The following CA2 variants were observed in gnomAD, a reference collection of about 807,000 sequenced individuals.
CA2 encodes carbonic anhydrase 2, also known as carbonate dehydratase II.
Under a neutral mutation model 27.8 loss-of-function variants are expected in CA2, and 23 were observed. The ratio of observed to expected loss-of-function variants is 0.83; its 90% confidence interval spans 0.59 to 1.17. CA2 has a LOEUF of 1.17. CA2 is among the 50% of genes most tolerant of loss of function. The pLI, the probability that CA2 is intolerant of heterozygous loss-of-function variation, is 0.00. For missense variants in CA2, 300 were observed against 314.7 expected (o/e 0.95, Z 0.35); for synonymous variants, 99 against 114.9 (o/e 0.86, Z 0.88).
At chr8:85,475,756 C>T (rs1258611143) in intron 4 of CA2, 42 bp from the exon 5 acceptor site, 1 of 1,577,152 alleles carries the variant, frequency 6.3e-7, no homozygotes, top group East Asian at 2.2e-5. Flanking sequence ...TGGTACAGTA[C>T]CAACTGGGTG....
In CA2 at chr8:85,480,548, G is replaced by GC. The variant is rs1811873781; in HGVS notation, c.664-121dup. The GC allele has an allele frequency of 1.9e-5, 18 of 927,888 alleles. No individual in the cohort carries two copies. The South Asian group carries it at 2.4e-4, about 12-fold the overall frequency. The allele number at this position is 927,888 out of a possible 1,614,324, so 57.5% of individuals were successfully genotyped here. A position where few individuals can be genotyped will look rare whatever the true frequency, so the allele number is the denominator to read the frequency against. On this transcript the variant is annotated intron_variant, in intron 6 of 6. Coordinates refer to ENST00000285379, the MANE Select transcript of CA2 (RefSeq NM_000067.3). ...GCCTCATGCCTCAGCCTTACAAAGTGCTGGGATTACAGGCATGAGCCACTG... is the reference window on the plus strand; with the variant it reads ...GCCTCATGCCTCAGCCTTACAAAGTGCCTGGGATTACAGGCATGAGCCACTG...
chr8:85,480,037 T>TATGA (rs1430891132), intron 6 of CA2, among the ~76,000 whole-genome samples: 3 of 152,178 alleles, frequency 2.0e-5, no homozygotes, highest in Non-Finnish European at 4.4e-5. Flanking sequence ...CATCTAAAGG[T>TATGA]ATGAGTTTAT....
At chr8:85,471,779 T>A (rs1340620133) in intron 2 of CA2, among the ~76,000 whole-genome samples, 1 of 151,866 alleles carries the variant, frequency 6.6e-6, no homozygotes, top group Non-Finnish European at 1.5e-5. Flanking sequence ...TATTTAATTT[T>A]TATATATTAT....
At chr8:85,466,562 G>A (rs1811634024) in intron 2 of CA2, among the ~76,000 whole-genome samples, 1 of 151,994 alleles carries the variant, frequency 6.6e-6, no homozygotes, top group African/African-American at 2.4e-5. Context: ...TTTCTGAAAT[G>A]GTGATTCTGG....
chr8:85,477,847 T>C (rs1214104542), intron 6 of CA2, among the ~76,000 whole-genome samples: 1 of 152,208 alleles, frequency 6.6e-6, no homozygotes. Context: ...AAGTCACTGA[T>C]GAGCAGCCAC....
chr8:85,465,272 G>T lies in CA2; in HGVS notation c.35G>T (p.Gly12Val). 6.2e-7 allele frequency: 1 copy of T among 1,613,392 alleles called. No homozygotes were observed. Among genetic ancestry groups the T allele is most frequent in the South Asian group, 1.1e-5 (1 of 91,046 alleles). ...GATTCACATGTCTTCTTTCCCCCAG[G>T]ACCTGAGCACTGGCATAAGGACTTC... ...SHHWGYGKHN[G>V]PEHWHKDFPI... The change falls in exon 2 of 7, where the codon GGA becomes GTA. Residue 12 changes from glycine (G) to valine (V), a missense_variant and splice_region_variant. This residue lies in a region of CA2 where 122 missense variants were observed against 133.2 expected (regional missense o/e 0.92). Transcript: ENST00000285379.
intron 1 of CA2, chr8:85,464,684 T>A (rs946595731): frequency 1.3e-5 from 2 of 154,160 alleles, no homozygotes; most frequent in African/African-American, 4.8e-5. Context: ...TCTCGACTTC[T>A]AATGTTAGGG....
intron 2 of CA2, among the ~76,000 whole-genome samples, chr8:85,471,912 G>A (rs1360359142): frequency 3.9e-5 from 6 of 152,140 alleles, no homozygotes; most frequent in Admixed American, 3.3e-4. Context: ...TCCAAGAGAT[G>A]TGACTTTGTC....
chr8:85,472,361 C>A (rs1380844120), intron 2 of CA2, among the ~76,000 whole-genome samples: 2 of 151,274 alleles, frequency 1.3e-5, no homozygotes, highest in Non-Finnish European at 3.0e-5. Flanking sequence ...TGGTTAAATC[C>A]CATTAATACA....
chr8:85,464,153 T>TCCCCGATC (rs1564076391), intron 1 of CA2, 38 bp downstream of exon 1: 1 of 1,255,734 alleles, frequency 8.0e-7, no homozygotes, highest in Non-Finnish European at 1.1e-6. Context: ...GGCGCCCCGA[T>TCCCCGATC]CCCCGATCCC....
rs538591468 is a variant in CA2 at position 85,475,581 on chromosome 8, C to T, written c.445-217C>T. Among the ~76,000 whole-genome samples, 25 of 152,162 alleles carry T rather than the reference C, an allele frequency of 1.6e-4. No individual in the cohort carries two copies. The East Asian group carries it at 4.8e-3, about 29-fold the overall frequency. ...AATTGAGCTGGTGGTTTCAGGACTACTCTCTGAGTGGAATTAGAGGCGAGT... is the reference window on the plus strand; with the variant it reads ...AATTGAGCTGGTGGTTTCAGGACTATTCTCTGAGTGGAATTAGAGGCGAGT... On this transcript the variant is annotated intron_variant, in intron 4 of 6. Transcript: ENST00000285379.
At chr8:85,471,385 CTTTTT>C in intron 2 of CA2, among the ~76,000 whole-genome samples, 1 of 150,332 alleles carries the variant, frequency 6.7e-6, no homozygotes, top group African/African-American at 2.4e-5. Context: ...AGCACTTTAT[CTTTTT>C]TTTTTTTTAG....
intron 5 of CA2, 92 bp downstream of exon 5, chr8:85,475,952 C>A: frequency 1.1e-6 from 1 of 947,122 alleles, no homozygotes; most frequent in East Asian, 2.5e-5. Context: ...TGCACAGTCT[C>A]AATGACATGT....
At position 85,465,500 on chromosome 8, in the gene CA2, T is replaced by C. The variant is rs746733717; in HGVS notation, c.232+31T>C. The C allele has an allele frequency of 9.6e-6, 15 of 1,565,312 alleles. No homozygotes were observed. In the South Asian group the frequency reaches 1.5e-4, roughly 15 times the overall value. ...TGTTTAGAAAATAACTTGTGTCTTT[T>C]AGCCAGTAGCTGTTTTCCGAGCTTA... On this transcript the variant is annotated intron_variant, in intron 2 of 6. Coordinates refer to ENST00000285379, the MANE Select transcript of CA2 (RefSeq NM_000067.3).
chr8:85,473,721 T>C lies in CA2; in HGVS notation c.261T>C (p.Thr87=), dbSNP rs1487199845. ...AVLKGGPLDG[T]YRLIQFHFHW... is the part of the protein sequence containing the mutation. ...TCAAGGGAGGACCCCTGGATGGCAC[T>C]TACAGATTGATTCAGTTTCACTTTC... is the stretch of plus-strand genomic sequence containing the variant. The change falls in exon 3 of 7, where the codon ACT becomes ACC. Residue 87 remains threonine (T), a synonymous_variant. Transcript: ENST00000285379. 1.2e-6 allele frequency: 2 copies of C among 1,609,904 alleles called. No individual in the cohort carries two copies. Among genetic ancestry groups the C allele is most frequent in the Non-Finnish European group, 1.7e-6 (2 of 1,176,174 alleles).
At chr8:85,477,396 A>T in intron 6 of CA2, 121 bp downstream of exon 6, 2 of 1,120,746 alleles carry the variant, frequency 1.8e-6, no homozygotes, top group Admixed American at 3.4e-5. Flanking sequence ...CTTGCTATGG[A>T]AATAGTGCCT....
chr8:85,475,431 C>A (rs943909680), intron 4 of CA2, among the ~76,000 whole-genome samples: 1 of 137,600 alleles, frequency 7.3e-6, no homozygotes, highest in South Asian at 2.4e-4. Context: ...TGCTGGAAGG[C>A]GTAGGGAAAG....
At chr8:85,467,103 G>A (rs1564077710) in intron 2 of CA2, among the ~76,000 whole-genome samples, 1 of 152,176 alleles carries the variant, frequency 6.6e-6, no homozygotes, top group Non-Finnish European at 1.5e-5. Context: ...AAATTGGATA[G>A]TTTAAGTCTT....
In CA2 at chr8:85,465,349, GC is replaced by G; in HGVS notation, c.114del (p.Lys39SerfsTer6). ...CCCTGTTGACATCGACACTCATACA[GC>G]CAAGTATGACCCTTCCCTGAAGCCC... ...QSPVDIDTHT[A>X]KYDPSLKPLS... On this transcript the variant is annotated frameshift_variant, in exon 2 of 7. Transcript: ENST00000285379. LOFTEE classifies it high-confidence loss of function. 6.2e-7 allele frequency: 1 copy of G among 1,613,946 alleles called. No homozygotes were observed. Among genetic ancestry groups the G allele is most frequent in the Non-Finnish European group, 8.5e-7 (1 of 1,179,802 alleles).
Sources: allele counts gnomAD v4.1 joint callset (sites outside exome capture counted in the v4.1 genomes callset), GRCh38; gene constraint gnomAD v4.1.1; regional missense constraint gnomAD v4.1.1; transcripts MANE v1.5; gene names NCBI Gene and HGNC (gene_info 2026-07-23, HGNC 2026-07-21).